Variants in CAMTA1 observed in about 807,000 individuals in gnomAD.
CAMTA1 encodes the protein calmodulin binding transcription activator 1.
In CAMTA1, 27 loss-of-function variants were observed where a neutral mutation model predicts 170.9. The ratio of observed to expected loss-of-function variants is 0.16; its 90% confidence interval spans 0.12 to 0.22. The LOEUF (loss-of-function observed/expected upper bound fraction) is 0.22. Among genes scored for constraint, CAMTA1 ranks in the 10% least tolerant of loss-of-function variants. CAMTA1 has a pLI of 1.00. For missense variants in CAMTA1, 1,619 were observed against 2,217.2 expected, an observed-to-expected ratio of 0.73 and a Z score of 5.42; for synonymous variants, 833 against 891.5, an observed-to-expected ratio of 0.93 and a Z score of 1.17.
At chr1:6,910,978 G>A (rs763733856) in intron 3 of CAMTA1, among the ~76,000 whole-genome samples, 3 of 152,180 alleles carry the variant, frequency 2.0e-5, no homozygotes, top group Non-Finnish European at 2.9e-5. Context: ...CATTGCTCGC[G>A]TCCAGGATGT....
In CAMTA1 at chr1:7,673,031, G is replaced by A. The variant is rs898456512; in HGVS notation, c.2779+1994G>A. On this transcript the variant is annotated intron_variant, in intron 10 of 22. Transcript: ENST00000303635. The surrounding 1 kb of genome is among the most constrained non-coding windows in gnomAD (Gnocchi z 4.6). ...GCAGCTGATGGGACCCCGGCCCGGC[G>A]GGAGTGGCGGGGAGGGCACTGTGGA... Among the ~76,000 whole-genome samples the A allele has an allele frequency of 2.0e-5, 3 of 152,282 alleles. No individual in the cohort carries two copies. Among genetic ancestry groups the A allele is most frequent in the African/African-American group, 7.2e-5 (3 of 41,586 alleles).
chr1:6,966,342 C>T (rs1222636618), intron 3 of CAMTA1, among the ~76,000 whole-genome samples: 1 of 151,954 alleles, frequency 6.6e-6, no homozygotes, highest in Non-Finnish European at 1.5e-5. Flanking sequence ...GTCACCCCAA[C>T]CCCCTCATCC....
Position 7,429,368 on chromosome 1 carries a change from G to A in CAMTA1, c.439-38462G>A, listed in dbSNP as rs115738181. Among the ~76,000 whole-genome samples the A allele has an allele frequency of 7.9e-3, 1,199 of 152,226 alleles. 14 individuals carry two copies. The highest frequency in any genetic ancestry group is 0.027 in the African/African-American group (1,106 of 41,536). ...GTGATGAGGATGGAGATAATGATGG[G>A]CATAATGGTGGTGATGATGATGGTG... On this transcript the variant is annotated intron_variant, in intron 5 of 22. Transcript: ENST00000303635.
chr1:7,290,679 C>T (rs1040738162), intron 5 of CAMTA1, among the ~76,000 whole-genome samples: 10 of 152,152 alleles, frequency 6.6e-5, no homozygotes, highest in Non-Finnish European at 1.0e-4. Flanking sequence ...TTACTTGCTG[C>T]GACGTAAATT....
chr1:6,807,719 CAAAA>C (rs35402432), intron 1 of CAMTA1, among the ~76,000 whole-genome samples: 3 of 104,780 alleles, frequency 2.9e-5, no homozygotes, highest in African/African-American at 3.5e-5. Flanking sequence ...GACTTCATCT[CAAAA>C]AAAAAAAAAA....
rs941592454 is a variant in CAMTA1, at chr1:7,661,949, G to A, written c.805+83G>A. Reference sequence around the variant, plus strand: ...CAGCCGTCATGGCTGTCCTCTGTGGGAGTAGCCATGACATCTAGTGAGGGA... The same window carrying A: ...CAGCCGTCATGGCTGTCCTCTGTGGAAGTAGCCATGACATCTAGTGAGGGA... On this transcript the variant is annotated intron_variant, in intron 8 of 22. Coordinates refer to ENST00000303635, the MANE Select transcript of CAMTA1 (RefSeq NM_015215.4). 6 of 1,462,068 alleles carry A rather than the reference G, an allele frequency of 4.1e-6. No individual in the cohort carries two copies. In the African/African-American group the frequency reaches 5.6e-5, roughly 14 times the overall value. The allele number at this position is 1,462,068 out of a possible 1,614,324, so 90.6% of individuals were successfully genotyped here.
chr1:6,802,979 G>A (rs1644059423), intron 1 of CAMTA1, among the ~76,000 whole-genome samples: 1 of 152,182 alleles, frequency 6.6e-6, no homozygotes, highest in African/African-American at 2.4e-5. Context: ...CTCTTGGCCA[G>A]CTCAAGCAAT....
chr1:7,276,303 A>ATATATATATATATATATTTTTT, intron 5 of CAMTA1, among the ~76,000 whole-genome samples: 7 of 24,194 alleles, frequency 2.9e-4, no homozygotes, highest in Non-Finnish European at 4.2e-4. Flanking sequence ...ATATATATAT[A>ATATATATATATATATATTTTTT]TTTTTTTTTT....
At chr1:7,407,819 G>C (rs978518425) in intron 5 of CAMTA1, among the ~76,000 whole-genome samples, 1 of 152,002 alleles carries the variant, frequency 6.6e-6, no homozygotes, top group Non-Finnish European at 1.5e-5. Flanking sequence ...GCCATCGCAG[G>C]GCATTGGGGG....
At chr1:7,495,465 C>T (rs1235070583) in intron 6 of CAMTA1, among the ~76,000 whole-genome samples, 1 of 152,146 alleles carries the variant, frequency 6.6e-6, no homozygotes, top group Middle Eastern at 3.2e-3. Context: ...ATGTTCCATC[C>T]CCAGAAGTGA....
At position 7,419,439 on chromosome 1, in the gene CAMTA1, G is replaced by C. The variant is rs149070290; in HGVS notation, c.439-48391G>C. On this transcript the variant is annotated intron_variant, in intron 5 of 22. Transcript: ENST00000303635. Reference sequence around the variant, plus strand: ...CCCAAAGTGCTGGGATTACAGGCGTGAGCCACCATGCCCAGCCCCAATCTC... The same window carrying C: ...CCCAAAGTGCTGGGATTACAGGCGTCAGCCACCATGCCCAGCCCCAATCTC... 4.2e-3 allele frequency among the ~76,000 whole-genome samples: 635 copies of C among 152,256 alleles called. 6 individuals carry two copies. The highest frequency in any genetic ancestry group is 0.014 in the African/African-American group (595 of 41,544).
At chr1:7,471,332 C>G (rs2093326633) in intron 6 of CAMTA1, among the ~76,000 whole-genome samples, 1 of 152,234 alleles carries the variant, frequency 6.6e-6, no homozygotes, top group African/African-American at 2.4e-5. Context: ...CCATGTGGCC[C>G]ATAGGCTCAT....
At chr1:6,786,404 C>A (rs1006644452) in intron 1 of CAMTA1, among the ~76,000 whole-genome samples, 1 of 152,142 alleles carries the variant, frequency 6.6e-6, no homozygotes, top group Non-Finnish European at 1.5e-5. Flanking sequence ...TGCCCTTTAC[C>A]TTCCGTGACC....
At chr1:7,706,910 G>C (rs1363485872) in intron 11 of CAMTA1, among the ~76,000 whole-genome samples, 1 of 126,962 alleles carries the variant, frequency 7.9e-6, no homozygotes, top group African/African-American at 3.0e-5. Flanking sequence ...TTTTTGAGAC[G>C]GAGTCTCGCT....
intron 6 of CAMTA1, among the ~76,000 whole-genome samples, chr1:7,554,997 A>C (rs1375530162): frequency 1.3e-5 from 2 of 152,052 alleles, no homozygotes; most frequent in Non-Finnish European, 2.9e-5. Flanking sequence ...CTCTGTCAAC[A>C]GTGGGTAATG....
intron 10 of CAMTA1, among the ~76,000 whole-genome samples, chr1:7,671,695 C>CAAT (rs2096061979): frequency 6.6e-6 from 1 of 152,202 alleles, no homozygotes; most frequent in Non-Finnish European, 1.5e-5. Context: ...ATTTCAGGGG[C>CAAT]TCAAAAATCC....
At chr1:6,889,392 G>C (rs1279577912) in intron 3 of CAMTA1, among the ~76,000 whole-genome samples, 1 of 152,212 alleles carries the variant, frequency 6.6e-6, no homozygotes, top group African/African-American at 2.4e-5. Context: ...AGAGGATACA[G>C]ATGTAAAGAA....
chr1:7,496,800 C>T (rs1575621312), intron 6 of CAMTA1, among the ~76,000 whole-genome samples: 1 of 151,942 alleles, frequency 6.6e-6, no homozygotes, highest in Non-Finnish European at 1.5e-5. Context: ...GCACCCTGGC[C>T]CCAGGCACGG....
chr1:6,858,125 T>C (rs1212196442), intron 3 of CAMTA1, among the ~76,000 whole-genome samples: 3 of 152,232 alleles, frequency 2.0e-5, no homozygotes, highest in Non-Finnish European at 2.9e-5. Flanking sequence ...CAGTCATAAA[T>C]GAAGACATAT....
Sources: gnomAD v4.1 joint callset for allele counts (sites outside exome capture counted in the v4.1 genomes callset) on GRCh38, gnomAD v4.1.1 for gene constraint, Gnocchi (gnomAD v3.1) non-coding constraint, MANE v1.5 for transcripts, NCBI Gene and HGNC (gene_info 2026-07-23, HGNC 2026-07-21) for gene names.